The following SGCZ variants were observed in gnomAD, a reference collection of about 807,000 sequenced individuals.
SGCZ encodes sarcoglycan zeta, also known as zeta-sarcoglycan.
SGCZ carries 40 observed loss-of-function variants against 41.3 expected under a neutral mutation model. The ratio of observed to expected loss-of-function variants is 0.97; its 90% CI spans 0.75 to 1.26. SGCZ has a LOEUF of 1.26. Ranked by LOEUF, SGCZ falls within the 50% of genes most tolerant of loss-of-function variation. SGCZ has a pLI of 0.00. For synonymous variants in SGCZ, 206 were observed against 137.5 expected, an observed-to-expected ratio of 1.50 and a Z score of -3.49; for missense variants, 552 against 369.8, an observed-to-expected ratio of 1.49 and a Z score of -4.04.
intron 1 of SGCZ, among the ~76,000 whole-genome samples, chr8:14,871,485 C>T (rs1399447211): frequency 6.6e-6 from 1 of 151,948 alleles, no homozygotes; most frequent in East Asian, 1.9e-4. Context: ...GGAACTAACC[C>T]AAATGACCAT....
intron 3 of SGCZ, among the ~76,000 whole-genome samples, chr8:14,258,111 T>A (rs1178180024): frequency 2.0e-5 from 3 of 152,312 alleles, no homozygotes; most frequent in African/African-American, 7.2e-5. Context: ...AGAAGTGTCA[T>A]TAATTATGAG....
Position 15,005,428 on chromosome 8 carries a change from T to C in SGCZ, c.39+232157A>G, listed in dbSNP as rs867709038. On this transcript the variant is annotated intron_variant, in intron 1 of 7. Coordinates refer to ENST00000382080, the MANE Select transcript of SGCZ (RefSeq NM_139167.4). The stretch of plus-strand genomic sequence containing the variant: ...CTCATCACAACCTCTGCCTCCTGGG[T>C]TCGAGCGATTCTCCTGCCTCAGCCT... Among the ~76,000 whole-genome samples, 4 of 149,136 alleles carry C rather than the reference T, an allele frequency of 2.7e-5. No individual in the cohort carries two copies. In the South Asian group the frequency reaches 8.6e-4, roughly 32 times the overall value.
rs78966128 is a variant in SGCZ, at chr8:14,827,780, T to C, written c.40-272854A>G. On this transcript the variant is annotated intron_variant, in intron 1 of 7. Transcript: ENST00000382080. ...CTTTATATCATTTAACTACATGAAA[T>C]TAAAGTAATACAGTTGTTAATATAT... Among the ~76,000 whole-genome samples the C allele has an allele frequency of 5.3e-5, 8 of 152,204 alleles. No individual in the cohort carries two copies. In the East Asian group the frequency reaches 1.4e-3, roughly 26 times the overall value.
chr8:14,197,618 T>C (rs1805307986), intron 4 of SGCZ, among the ~76,000 whole-genome samples: 2 of 152,130 alleles, frequency 1.3e-5, no homozygotes, highest in African/African-American at 4.8e-5. Context: ...TTACATTTAT[T>C]ATAAAATCTT....
intron 3 of SGCZ, among the ~76,000 whole-genome samples, chr8:14,273,031 A>T (rs1007663382): frequency 6.6e-6 from 1 of 152,014 alleles, no homozygotes; most frequent in African/African-American, 2.4e-5. Context: ...AAATTTCTTA[A>T]TAACAACTAA....
intron 6 of SGCZ, among the ~76,000 whole-genome samples, chr8:14,104,156 T>C (rs1802129753): frequency 6.6e-6 from 1 of 152,206 alleles, no homozygotes; most frequent in East Asian, 1.9e-4. Flanking sequence ...CCCAAGTTTA[T>C]TGGTACTACT....
chr8:14,582,526 CA>C (rs1563131111), intron 1 of SGCZ, among the ~76,000 whole-genome samples: 1 of 151,812 alleles, frequency 6.6e-6, no homozygotes, highest in Non-Finnish European at 1.5e-5. Flanking sequence ...TTATTATTAT[CA>C]TACTTTAAGT....
chr8:14,824,891 T>C (rs528598945), intron 1 of SGCZ, among the ~76,000 whole-genome samples: 1 of 152,224 alleles, frequency 6.6e-6, no homozygotes, highest in Non-Finnish European at 1.5e-5. Flanking sequence ...GTGATTTATA[T>C]GCTTATGGAT....
intron 1 of SGCZ, among the ~76,000 whole-genome samples, chr8:15,190,082 T>C (rs2117107687): frequency 6.6e-6 from 1 of 152,272 alleles, no homozygotes. Flanking sequence ...ATTCTGCATA[T>C]GCCAGGCACC....
rs574666089 is a variant in SGCZ at position 14,646,981 on chromosome 8, G to A, written c.40-92055C>T. Among the ~76,000 whole-genome samples, 4 of 152,026 alleles carry A rather than the reference G, an allele frequency of 2.6e-5. No individual in the cohort carries two copies. In the East Asian group the frequency reaches 5.8e-4, roughly 22 times the overall value. ...GCTCACATTTCAGAAATGAAGCCTG[G>A]AAAATTTAGGTCGTAGAGCTTCCTC... On this transcript the variant is annotated intron_variant, in intron 1 of 7. Coordinates refer to ENST00000382080, the MANE Select transcript of SGCZ (RefSeq NM_139167.4).
intron 2 of SGCZ, among the ~76,000 whole-genome samples, chr8:14,551,502 ATATATTATATATAT>A (rs1260529407): frequency 0.017 from 105 of 6,070 alleles, 15 homozygotes; most frequent in Admixed American, 0.059. Flanking sequence ...TATATATTAT[ATATATTATATATAT>A]TATATATAAT....
intron 1 of SGCZ, among the ~76,000 whole-genome samples, chr8:15,193,457 C>T (rs1314959388): frequency 6.6e-6 from 1 of 151,918 alleles, no homozygotes; most frequent in Non-Finnish European, 1.5e-5. Context: ...TTCATTTAAT[C>T]CTTGTAAAAC....
chr8:14,207,369 A>T (rs1312553373), intron 4 of SGCZ, among the ~76,000 whole-genome samples: 3 of 152,246 alleles, frequency 2.0e-5, no homozygotes, highest in African/African-American at 7.2e-5. Flanking sequence ...CTGCCATGAC[A>T]GAGTAGCATT....
chr8:14,535,096 C>A (rs758544133), intron 2 of SGCZ, among the ~76,000 whole-genome samples: 3 of 151,942 alleles, frequency 2.0e-5, no homozygotes, highest in Non-Finnish European at 4.4e-5. Context: ...TATGCACTAA[C>A]TGTACACAAA....
At chr8:15,202,202 C>T (rs112491571) in intron 1 of SGCZ, among the ~76,000 whole-genome samples, 8 of 152,114 alleles carry the variant, frequency 5.3e-5, no homozygotes, top group East Asian at 1.9e-4. Context: ...CTAACCATTG[C>T]CTAAGTAATA....
intron 2 of SGCZ, among the ~76,000 whole-genome samples, chr8:14,460,124 G>C (rs992937480): frequency 3.9e-5 from 6 of 152,140 alleles, no homozygotes; most frequent in African/African-American, 1.4e-4. Flanking sequence ...GCTACCATTA[G>C]GAGCAGCTAG....
intron 1 of SGCZ, among the ~76,000 whole-genome samples, chr8:14,972,594 G>A (rs569692249): frequency 1.9e-4 from 29 of 151,996 alleles, no homozygotes; most frequent in Non-Finnish European, 3.5e-4. Context: ...TTCTTAGTTG[G>A]ATTAACTGAT....
intron 1 of SGCZ, among the ~76,000 whole-genome samples, chr8:14,937,785 T>C (rs1800132005): frequency 6.6e-6 from 1 of 152,140 alleles, no homozygotes; most frequent in Non-Finnish European, 1.5e-5. Context: ...AAATGTTATG[T>C]AATAAATTCA....
chr8:15,235,501 C>G (rs1802091714), intron 1 of SGCZ, among the ~76,000 whole-genome samples: 1 of 152,162 alleles, frequency 6.6e-6, no homozygotes, highest in African/African-American at 2.4e-5. Flanking sequence ...CCCCCTCATG[C>G]CCAAACCTTT....
Sources: allele counts gnomAD v4.1 joint callset (sites outside exome capture counted in the v4.1 genomes callset), GRCh38; gene constraint gnomAD v4.1.1; transcripts MANE v1.5; gene names NCBI Gene and HGNC (gene_info 2026-07-23, HGNC 2026-07-21).